ADGRB3: variants seen among roughly 807,000 people sequenced by gnomAD.
ADGRB3 encodes the protein brain-specific angiogenesis inhibitor 3.
ADGRB3 carries 37 observed loss-of-function variants against 193.4 expected under a neutral mutation model. The observed-to-expected ratio is 0.19, with a 90% confidence interval of 0.15 to 0.25. The LOEUF is 0.25. Among genes scored for constraint, ADGRB3 ranks in the 10% least tolerant of loss-of-function variants. ADGRB3 has a pLI of 1.00. For synonymous variants in ADGRB3, 690 were observed against 644.2 expected, an observed-to-expected ratio of 1.07 and a Z score of -1.08; for missense variants, 1,637 against 1,852.9, an observed-to-expected ratio of 0.88 and a Z score of 2.14.
intron 13 of ADGRB3, 22 bp from the exon 14 acceptor site, chr6:69,048,163 A>G (rs1771291382): frequency 1.2e-6 from 2 of 1,602,716 alleles, no homozygotes; most frequent in African/African-American, 1.3e-5. Flanking sequence ...TTTAATTGAA[A>G]TTATTATTTC....
intron 4 of ADGRB3, 50 bp downstream of exon 4, chr6:68,930,719 C>T (rs2150246234): frequency 7.8e-7 from 1 of 1,280,620 alleles, no homozygotes. Context: ...TTTAATGAAA[C>T]CACTGCATGT....
intron 17 of ADGRB3, among the ~76,000 whole-genome samples, chr6:69,084,379 C>T (rs1339436114): frequency 6.6e-6 from 1 of 152,056 alleles, no homozygotes; most frequent in African/African-American, 2.4e-5. Context: ...AAGCAAACTA[C>T]CAAATGTGTA....
chr6:69,284,855 G>GT (rs1252136766), intron 20 of ADGRB3, among the ~76,000 whole-genome samples: 1 of 152,066 alleles, frequency 6.6e-6, no homozygotes, highest in Middle Eastern at 3.2e-3. Context: ...TTTCTGGTAG[G>GT]TGCAGAAAAA....
At chr6:68,916,607 C>T (rs111937033) in intron 3 of ADGRB3, among the ~76,000 whole-genome samples, 357 of 152,154 alleles carry the variant, frequency 2.3e-3, no homozygotes, top group African/African-American at 8.0e-3. Flanking sequence ...TTTGGTCTTA[C>T]GAAATCACTG....
At chr6:68,772,283 T>G (rs1766633242) in intron 3 of ADGRB3, among the ~76,000 whole-genome samples, 1 of 152,032 alleles carries the variant, frequency 6.6e-6, no homozygotes, top group South Asian at 2.1e-4. Flanking sequence ...ACTTAGAACC[T>G]GGGTAAGTGA....
At chr6:69,011,167 G>GTGTGTGTGTGTA (rs531482642) in intron 11 of ADGRB3, among the ~76,000 whole-genome samples, 14 of 143,154 alleles carry the variant, frequency 9.8e-5, no homozygotes, top group Middle Eastern at 3.6e-3. Context: ...GTGTGTGTGT[G>GTGTGTGTGTGTA]TATATATATA....
chr6:68,935,456 A>G (rs1767461951), intron 4 of ADGRB3, among the ~76,000 whole-genome samples: 1 of 152,206 alleles, frequency 6.6e-6, no homozygotes. Flanking sequence ...GCAAATTATA[A>G]ACAGAAACAT....
At chr6:68,913,749 T>C (rs965526093) in intron 3 of ADGRB3, among the ~76,000 whole-genome samples, 1 of 152,170 alleles carries the variant, frequency 6.6e-6, no homozygotes, top group Non-Finnish European at 1.5e-5. Flanking sequence ...TACTCCGAAC[T>C]ACAGGAGGAA....
intron 17 of ADGRB3, among the ~76,000 whole-genome samples, chr6:69,210,007 C>T (rs1582547230): frequency 6.6e-6 from 1 of 151,044 alleles, no homozygotes; most frequent in East Asian, 1.9e-4. Context: ...GAAAGAACTC[C>T]ATCCTTAATA....
intron 15 of ADGRB3, among the ~76,000 whole-genome samples, chr6:69,058,691 C>A (rs1016413299): frequency 3.9e-5 from 6 of 151,940 alleles, no homozygotes; most frequent in African/African-American, 7.2e-5. Context: ...CTTGTGATTT[C>A]TTCTTTGATC....
chr6:69,099,180 C>T (rs1215372265), intron 17 of ADGRB3, among the ~76,000 whole-genome samples: 1 of 152,164 alleles, frequency 6.6e-6, no homozygotes, highest in African/African-American at 2.4e-5. Context: ...TGCTATCTAA[C>T]CTACAATGTG....
At chr6:68,748,370 G>A (rs777323993) in intron 3 of ADGRB3, among the ~76,000 whole-genome samples, 8 of 152,202 alleles carry the variant, frequency 5.3e-5, no homozygotes, top group Non-Finnish European at 1.0e-4. Context: ...TATAATGGCG[G>A]TACAGGTATT....
At chr6:69,375,016 G>A (rs1349237831) in intron 30 of ADGRB3, among the ~76,000 whole-genome samples, 4 of 152,054 alleles carry the variant, frequency 2.6e-5, no homozygotes, top group African/African-American at 9.7e-5. Context: ...AGGCATGTAG[G>A]TTGGCTAATC....
chr6:69,055,463 T>G (rs1158140169), intron 15 of ADGRB3, among the ~76,000 whole-genome samples: 1 of 152,216 alleles, frequency 6.6e-6, no homozygotes, highest in Non-Finnish European at 1.5e-5. Flanking sequence ...TATGATAAGT[T>G]TTTTTTCTTT....
At chr6:68,639,716 T>A (rs1768037660) in intron 3 of ADGRB3, among the ~76,000 whole-genome samples, 1 of 152,076 alleles carries the variant, frequency 6.6e-6, no homozygotes, top group South Asian at 2.1e-4. Context: ...CACTAGAGAT[T>A]GGTGAGGAGG....
chr6:69,244,731 T>C (rs1189535583), intron 20 of ADGRB3, among the ~76,000 whole-genome samples: 1 of 152,014 alleles, frequency 6.6e-6, no homozygotes, highest in African/African-American at 2.4e-5. Flanking sequence ...GTTCTCCTAG[T>C]TGTGTGATCT....
intron 3 of ADGRB3, among the ~76,000 whole-genome samples, chr6:68,808,089 A>T (rs191093041): frequency 3.3e-5 from 5 of 152,212 alleles, no homozygotes; most frequent in Admixed American, 3.3e-4. Flanking sequence ...ATTTCCTCTT[A>T]CTCCTGAAAA....
intron 3 of ADGRB3, among the ~76,000 whole-genome samples, chr6:68,662,574 T>A (rs984119967): frequency 1.3e-4 from 19 of 151,554 alleles, no homozygotes; most frequent in African/African-American, 4.6e-4. Flanking sequence ...TGTTAAACAA[T>A]TGCTTTAGGA....
intron 3 of ADGRB3, among the ~76,000 whole-genome samples, chr6:68,890,893 T>G (rs1193973935): frequency 2.0e-5 from 3 of 152,186 alleles, no homozygotes; most frequent in Non-Finnish European, 4.4e-5. Flanking sequence ...AAAGATAGTA[T>G]AAGCTAACTT....
Sources: allele counts gnomAD v4.1 joint callset (sites outside exome capture counted in the v4.1 genomes callset), GRCh38; gene constraint gnomAD v4.1.1; transcripts MANE v1.5; gene names NCBI Gene and HGNC (gene_info 2026-07-23, HGNC 2026-07-21).